The following VGLL4 variants were observed in gnomAD, a reference collection of about 807,000 sequenced individuals.
The protein encoded by VGLL4 is transcription cofactor vestigial-like protein 4.
A neutral mutation model predicts 21.0 loss-of-function variants in VGLL4; 7 were observed. That is an observed-to-expected ratio of 0.33 (90% CI 0.19 to 0.63). VGLL4 has a LOEUF of 0.63. Among genes scored for constraint, VGLL4 ranks in the 20% least tolerant of loss-of-function variants. VGLL4 has a pLI of 0.78. For synonymous variants in VGLL4, 222 were observed against 173.2 expected, an observed-to-expected ratio of 1.28 and a Z score of -2.21; for missense variants, 394 against 425.7, an observed-to-expected ratio of 0.93 and a Z score of 0.66.
chr3:11,662,161 G>A (rs11715990), intron 2 of VGLL4, among the ~76,000 whole-genome samples: 121,677 of 152,146 alleles, frequency 0.8, 48,635 homozygotes, highest in South Asian at 0.83. Flanking sequence ...CCCAAAGACA[G>A]GGCCACATAA....
At chr3:11,644,063 GGAGAGACTCTAGA>G, upstream of VGLL4, 2 of 917,508 alleles carry the variant, frequency 2.2e-6, no homozygotes, top group Non-Finnish European at 2.6e-6. Context: ...AAGGGGAGGG[GGAGAGACTCTAGA>G]GACGGGGCCT....
At chr3:11,573,165 CAAGA>C (rs1477179199) in intron 2 of VGLL4, among the ~76,000 whole-genome samples, 5 of 148,662 alleles carry the variant, frequency 3.4e-5, no homozygotes, top group African/African-American at 7.5e-5. Context: ...GACTCCGTCT[CAAGA>C]AAGAAAGACA....
intron 2 of VGLL4, among the ~76,000 whole-genome samples, chr3:11,573,289 A>C (rs58647234): frequency 8.8e-5 from 1 of 11,354 alleles, no homozygotes; most frequent in Non-Finnish European, 1.4e-4. Context: ...GAAAGAAAGA[A>C]AGAAAGAAAG....
intron 4 of VGLL4, 138 bp downstream of exon 4, chr3:11,559,194 G>T: frequency 7.2e-7 from 1 of 1,381,396 alleles, no homozygotes; most frequent in East Asian, 2.5e-5. Context: ...GCGCACACTG[G>T]ACGTGCTCAA....
Position 11,682,404 on chromosome 3 carries a change from CAAAAAAAA to C in VGLL4, c.64+20559_64+20566del, listed in dbSNP as rs34428676. Among the ~76,000 whole-genome samples the C allele has an allele frequency of 2.7e-3, 170 of 62,228 alleles. 1 individual carries two copies. The highest frequency in any genetic ancestry group is 0.01 in the African/African-American group (147 of 14,586). The allele number at this position is 62,228 out of a possible 152,430, so 40.8% of individuals were successfully genotyped here. A position where few individuals can be genotyped will look rare whatever the true frequency, so the allele number is the denominator to read the frequency against. On this transcript the variant is annotated intron_variant, in intron 2 of 5. Coordinates refer to the VGLL4 transcript ENST00000273038. The stretch of plus-strand genomic sequence containing the variant: ...CGGGTGACAGTACAAGACCCTGTCT[CAAAAAAAA>C]AAAAAAAAAAAAAAAAATAGGCAGG...
rs753586069 is a variant in VGLL4 at position 11,719,240 on chromosome 3, G to A, written c.-14+1154C>T. ...CTCCGACTCCCAGGACGTCCTCCGG[G>A]AGCCTAGGCGCTTCCGCTCCCACCG... On this transcript the variant is annotated intron_variant, in intron 1 of 5. Coordinates refer to the VGLL4 transcript ENST00000273038. This position sits in a 1 kb window ranked among gnomAD's most constrained non-coding sequence, Gnocchi z 4.0. Among the ~76,000 whole-genome samples, 16 of 152,068 alleles carry A rather than the reference G, an allele frequency of 1.1e-4. No individual in the cohort carries two copies. Among genetic ancestry groups the A allele is most frequent in the South Asian group, 2.1e-4 (1 of 4,822 alleles).
chr3:11,677,939 C>A (rs9839629), intron 2 of VGLL4, among the ~76,000 whole-genome samples: 96,911 of 148,464 alleles, frequency 0.65, 31,952 homozygotes, highest in Non-Finnish European at 0.69. Context: ...AAAGAAAAAA[C>A]ATCAGTTAAT....
chr3:11,615,414 T>A (rs1200802050), intron 1 of VGLL4, among the ~76,000 whole-genome samples: 1 of 152,232 alleles, frequency 6.6e-6, no homozygotes, highest in Non-Finnish European at 1.5e-5. Flanking sequence ...TATGATTAGA[T>A]CTGAGTTAAA....
At chr3:11,587,367 G>T (rs959704203) in intron 2 of VGLL4, among the ~76,000 whole-genome samples, 3 of 152,214 alleles carry the variant, frequency 2.0e-5, no homozygotes, top group African/African-American at 7.2e-5. Context: ...CAGCTTCTAG[G>T]TGACATGGAG....
chr3:11,639,040 T>C (rs1283169490), intron 1 of VGLL4, among the ~76,000 whole-genome samples: 1 of 151,622 alleles, frequency 6.6e-6, no homozygotes, highest in Non-Finnish European at 1.5e-5. Context: ...AATGTATTCC[T>C]ACTTTCTCCC....
chr3:11,582,442 G>A (rs536939038), intron 2 of VGLL4: 67 of 1,432,518 alleles, frequency 4.7e-5, no homozygotes, highest in Admixed American at 3.8e-4. Context: ...GGGTTGCGAG[G>A]TAAGGGGCCT....
At chr3:11,581,896 C>A (rs1436267048) in intron 2 of VGLL4, among the ~76,000 whole-genome samples, 1 of 152,236 alleles carries the variant, frequency 6.6e-6, no homozygotes, top group East Asian at 1.9e-4. Flanking sequence ...AACTATGCAC[C>A]ATTGTCTAGA....
intron 2 of VGLL4, among the ~76,000 whole-genome samples, chr3:11,665,413 A>G (rs1268275218): frequency 6.6e-6 from 1 of 152,010 alleles, no homozygotes; most frequent in Non-Finnish European, 1.5e-5. Context: ...GCGCCCGGCC[A>G]AACATCTTAA....
Position 11,653,835 on chromosome 3 carries a change from C to T in VGLL4, c.64+49136G>A, listed in dbSNP as rs547308620. 4.6e-5 allele frequency among the ~76,000 whole-genome samples: 7 copies of T among 152,154 alleles called. No homozygotes were observed. Among genetic ancestry groups the T allele is most frequent in the Admixed American group, 6.6e-5 (1 of 15,264 alleles). On this transcript the variant is annotated intron_variant, in intron 2 of 5. Transcript: ENST00000273038. The surrounding 1 kb of genome is among the most constrained non-coding windows in gnomAD (Gnocchi z 4.2). ...TGGTAGGTCTGGAGCAGCCACACTA[C>T]GACTTTACTTCGCACTTCTCTGATG...
chr3:11,566,367 C>T (rs2073518675), intron 2 of VGLL4, among the ~76,000 whole-genome samples: 1 of 152,248 alleles, frequency 6.6e-6, no homozygotes, highest in Non-Finnish European at 1.5e-5. Flanking sequence ...AACTACAGTA[C>T]AATATCACAA....
intron 2 of VGLL4, among the ~76,000 whole-genome samples, chr3:11,668,239 AG>A (rs2076156021): frequency 6.6e-6 from 1 of 152,156 alleles, no homozygotes; most frequent in African/African-American, 2.4e-5. Flanking sequence ...ACAAACCCCA[AG>A]ACTAGTATTT....
chr3:11,573,263 GAA>G (rs1173021829), intron 2 of VGLL4, among the ~76,000 whole-genome samples: 213 of 10,128 alleles, frequency 0.021, 21 homozygotes, highest in African/African-American at 0.14. Context: ...AAGAAAGAAA[GAA>G]AGAAAGAAAG....
In VGLL4 at chr3:11,558,498, C is replaced by T; in HGVS notation, c.*58G>A. Reference sequence around the variant, plus strand: ...TGATTTTTTTTTTTTTAAGTACTGACTGTTCAAAGCTCAGGCAAACCATGC... The same window carrying T: ...TGATTTTTTTTTTTTTAAGTACTGATTGTTCAAAGCTCAGGCAAACCATGC... On this transcript the variant is annotated 3_prime_UTR_variant, in exon 5 of 5. Coordinates refer to ENST00000430365, the MANE Select transcript of VGLL4 (RefSeq NM_001128219.3). 9.2e-7 allele frequency: 1 copy of T among 1,091,560 alleles called. No homozygotes were observed. The highest frequency in any genetic ancestry group is 4.5e-5 in the East Asian group (1 of 22,122). The allele number at this position is 1,091,560 out of a possible 1,614,324, so 67.6% of individuals were successfully genotyped here. A position where few individuals can be genotyped will look rare whatever the true frequency, so the allele number is the denominator to read the frequency against.
chr3:11,697,954 T>C (rs1298300620), intron 2 of VGLL4, among the ~76,000 whole-genome samples: 2 of 152,264 alleles, frequency 1.3e-5, no homozygotes, highest in Admixed American at 6.5e-5. Flanking sequence ...GCTGATCATC[T>C]GCATATTCAT....
Sources: allele counts gnomAD v4.1 joint callset (sites outside exome capture counted in the v4.1 genomes callset), GRCh38; gene constraint gnomAD v4.1.1; non-coding constraint Gnocchi (gnomAD v3.1); transcripts MANE v1.5; gene names NCBI Gene and HGNC (gene_info 2026-07-23, HGNC 2026-07-21).